INPP4B: variants seen among roughly 807,000 people sequenced by gnomAD.
INPP4B encodes the protein inositol polyphosphate 4-phosphatase type II.
Under a neutral mutation model 122.5 loss-of-function variants are expected in INPP4B, and 55 were observed. The observed-to-expected ratio is 0.45, with a 90% CI of 0.36 to 0.56. INPP4B has a LOEUF of 0.56. INPP4B is among the 20% of genes least tolerant of loss of function. The probability of loss-of-function intolerance (pLI) is 0.00; values close to 1 mark genes in which losing one functional copy is unlikely to be tolerated. For synonymous variants in INPP4B, 403 were observed against 388.7 expected, an observed-to-expected ratio of 1.04 and a Z score of -0.43; for missense variants, 1,000 against 1,097.7, an observed-to-expected ratio of 0.91 and a Z score of 1.26.
At chr4:142,067,803 C>T (rs958058489) in intron 25 of INPP4B, among the ~76,000 whole-genome samples, 11 of 152,112 alleles carry the variant, frequency 7.2e-5, no homozygotes, top group East Asian at 1.9e-4. Flanking sequence ...AAGAAACGAA[C>T]GAAGCCTCCA....
At chr4:142,816,840 T>A (rs1780174688) in intron 1 of INPP4B, among the ~76,000 whole-genome samples, 1 of 152,108 alleles carries the variant, frequency 6.6e-6, no homozygotes, top group Non-Finnish European at 1.5e-5. Context: ...CCACTCTAGA[T>A]ATTGGGAAAC....
At chr4:142,806,727 G>A (rs555156138) in intron 1 of INPP4B, among the ~76,000 whole-genome samples, 1 of 144,706 alleles carries the variant, frequency 6.9e-6, no homozygotes, top group East Asian at 2.1e-4. Flanking sequence ...CTGAGCAACA[G>A]AGCAAGACCC....
At chr4:142,789,290 A>T (rs781507588) in intron 1 of INPP4B, among the ~76,000 whole-genome samples, 8 of 152,138 alleles carry the variant, frequency 5.3e-5, no homozygotes, top group Non-Finnish European at 2.9e-5. Context: ...AGGAAGTCAA[A>T]CTGTCACTGT....
At chr4:142,551,465 T>G (rs1317286669) in intron 2 of INPP4B, among the ~76,000 whole-genome samples, 5 of 152,204 alleles carry the variant, frequency 3.3e-5, no homozygotes, top group Non-Finnish European at 7.3e-5. Context: ...GGTCTCAAGG[T>G]GTAAAAATGT....
chr4:142,288,910 G>A (rs1235026371), intron 9 of INPP4B, among the ~76,000 whole-genome samples: 1 of 152,120 alleles, frequency 6.6e-6, no homozygotes, highest in Non-Finnish European at 1.5e-5. Context: ...GGTAAAAGCT[G>A]CAGAATCAGT....
At chr4:142,072,323 T>C (rs1373215508) in intron 25 of INPP4B, among the ~76,000 whole-genome samples, 9 of 151,596 alleles carry the variant, frequency 5.9e-5, no homozygotes, top group Middle Eastern at 3.4e-3. Context: ...ACATCACACA[T>C]CGGGGCCTGT....
chr4:142,557,365 A>G (rs1438940983), intron 2 of INPP4B, among the ~76,000 whole-genome samples: 1 of 152,296 alleles, frequency 6.6e-6, no homozygotes, highest in East Asian at 1.9e-4. Flanking sequence ...TGAAAGTCAG[A>G]CTCACTGTAA....
chr4:142,126,746 G>A (rs548955692), intron 18 of INPP4B, among the ~76,000 whole-genome samples: 1 of 151,966 alleles, frequency 6.6e-6, no homozygotes, highest in East Asian at 1.9e-4. Context: ...TTATGTCATT[G>A]TCATGTGTAA....
intron 2 of INPP4B, among the ~76,000 whole-genome samples, chr4:142,492,552 C>T (rs1822015776): frequency 6.6e-6 from 1 of 152,076 alleles, no homozygotes; most frequent in Non-Finnish European, 1.5e-5. Flanking sequence ...CTGAGGTGGT[C>T]TCAGATGGAC....
intron 2 of INPP4B, among the ~76,000 whole-genome samples, chr4:142,534,528 G>C (rs1006440564): frequency 6.6e-6 from 1 of 152,000 alleles, no homozygotes; most frequent in African/African-American, 2.4e-5. Flanking sequence ...TCACCCTCCA[G>C]AACTGTGAGA....
chr4:142,419,858 C>A (rs747065563), intron 5 of INPP4B, among the ~76,000 whole-genome samples: 41 of 151,934 alleles, frequency 2.7e-4, no homozygotes, highest in Non-Finnish European at 5.3e-4. Context: ...ATCAGGGGAC[C>A]TCTCTCTCTC....
In INPP4B at chr4:142,163,375, C is replaced by A. The variant is rs1046211912; in HGVS notation, c.1360-2814G>T. ...TACTAGCCCACTAGTCACTTAGGTG[C>A]CATCTGGGTCACCAGATCGACTGTC... On this transcript the variant is annotated intron_variant, in intron 16 of 25. Coordinates refer to ENST00000262992, the MANE Select transcript of INPP4B (RefSeq NM_001101669.3). Among the ~76,000 whole-genome samples the A allele has an allele frequency of 5.3e-5, 8 of 151,826 alleles. No individual in the cohort carries two copies. In the East Asian group the frequency reaches 1.6e-3, roughly 30 times the overall value.
At chr4:142,462,959 T>C (rs1817014419) in intron 2 of INPP4B, among the ~76,000 whole-genome samples, 1 of 152,220 alleles carries the variant, frequency 6.6e-6, no homozygotes, top group Admixed American at 6.5e-5. Flanking sequence ...CTGATCCTTG[T>C]TTGCTGCTTA....
chr4:142,516,102 C>T (rs981652450), intron 2 of INPP4B, among the ~76,000 whole-genome samples: 7 of 152,122 alleles, frequency 4.6e-5, no homozygotes. Context: ...AAAAGAAATT[C>T]ACCAGATTTC....
At chr4:142,762,410 A>T (rs141925931) in intron 1 of INPP4B, among the ~76,000 whole-genome samples, 45 of 152,294 alleles carry the variant, frequency 3.0e-4, no homozygotes, top group African/African-American at 1.0e-3. Flanking sequence ...AAAAATTTTC[A>T]GTATAATTAT....
chr4:142,068,735 A>C (rs575246215), intron 25 of INPP4B, among the ~76,000 whole-genome samples: 5 of 152,366 alleles, frequency 3.3e-5, no homozygotes, highest in South Asian at 4.1e-4. Context: ...GAGACAAAGA[A>C]GGCCATTACA....
intron 2 of INPP4B, among the ~76,000 whole-genome samples, chr4:142,623,995 T>A (rs1026045129): frequency 1.3e-5 from 2 of 152,138 alleles, no homozygotes; most frequent in African/African-American, 4.8e-5. Context: ...TGGTTCCAAG[T>A]CTTTGCTATC....
chr4:142,546,327 C>T (rs1829645825), intron 2 of INPP4B, among the ~76,000 whole-genome samples: 2 of 152,120 alleles, frequency 1.3e-5, no homozygotes, highest in Non-Finnish European at 2.9e-5. Context: ...TTACTTTATT[C>T]AGTCTATCAT....
intron 1 of INPP4B, among the ~76,000 whole-genome samples, chr4:142,835,195 G>GAGTAGATA (rs1409625106): frequency 7.2e-5 from 11 of 152,222 alleles, no homozygotes; most frequent in African/African-American, 2.6e-4. Flanking sequence ...TGGAATTGAG[G>GAGTAGATA]AGTAGATAAG....
Sources: allele counts gnomAD v4.1 joint callset (sites outside exome capture counted in the v4.1 genomes callset), GRCh38; gene constraint gnomAD v4.1.1; transcripts MANE v1.5; gene names NCBI Gene and HGNC (gene_info 2026-07-23, HGNC 2026-07-21).